The following DNAI1 variants were observed in gnomAD, a reference collection of about 807,000 sequenced individuals.
The protein encoded by DNAI1 is dynein axonemal intermediate chain 1, also known as dynein, axonemal, intermediate polypeptide 1.
A neutral mutation model predicts 92.0 loss-of-function variants in DNAI1; 67 were observed. The observed-to-expected ratio is 0.73, with a 90% confidence interval of 0.60 to 0.89. The LOEUF (loss-of-function observed/expected upper bound fraction) is 0.89. DNAI1 is among the 40% of genes least tolerant of loss of function. The pLI is 0.00. For synonymous variants in DNAI1, 323 were observed against 319.6 expected (o/e 1.01, Z -0.11); for missense variants, 839 against 866.6 (o/e 0.97, Z 0.40).
intron 1 of DNAI1, among the ~76,000 whole-genome samples, chr9:34,469,551 TTTTC>T (rs1824101671): frequency 6.6e-6 from 1 of 151,588 alleles, no homozygotes; most frequent in Non-Finnish European, 1.5e-5. Flanking sequence ...ACAGCACTTT[TTTTC>T]TTTCTATTAA....
intron 19 of DNAI1, among the ~76,000 whole-genome samples, chr9:34,518,177 G>A (rs1276420293): frequency 1.3e-5 from 2 of 152,260 alleles, no homozygotes; most frequent in African/African-American, 4.8e-5. Flanking sequence ...GCTAAGAGTA[G>A]AGATGGCTCT....
chr9:34,520,595 T>G (rs1587096806), intron 19 of DNAI1, 63 bp from the exon 20 acceptor site: 1 of 1,463,024 alleles, frequency 6.8e-7, no homozygotes. Flanking sequence ...GAGGAGGTGG[T>G]GCTGGGACCC....
In DNAI1 at chr9:34,485,533, C is replaced by T. The variant is rs373020025; in HGVS notation, c.261+16C>T. On this transcript the variant is annotated intron_variant, in intron 4 of 19. Coordinates refer to ENST00000242317, the MANE Select transcript of DNAI1 (RefSeq NM_012144.4). ...CAGCTTCAAAGTAAGTCATCCCCTC[C>T]TGGGCAGGGGCATCTATACCCATCT... The T allele has an allele frequency of 1.2e-6, 2 of 1,612,788 alleles. No homozygotes were observed. Among genetic ancestry groups the T allele is most frequent in the African/African-American group, 2.7e-5 (2 of 74,906 alleles).
rs1824445067 is a variant in DNAI1 at position 34,485,134 on chromosome 9, T to C, written c.82-8T>C. ...CACTCCCAAGCCTCATGTGAGGTTT[T>C]TGTCTAGGATGAAGATTCAGGGACT... On this transcript the variant is annotated splice_polypyrimidine_tract_variant and splice_region_variant and intron_variant, in intron 2 of 19. Coordinates refer to ENST00000242317, the MANE Select transcript of DNAI1 (RefSeq NM_012144.4). 1 of 1,614,124 alleles carries C rather than the reference T, an allele frequency of 6.2e-7. No homozygotes were observed. The highest frequency in any genetic ancestry group is 1.7e-5 in the Admixed American group (1 of 60,008).
chr9:34,469,213 G>A (rs1824094141), intron 1 of DNAI1, among the ~76,000 whole-genome samples: 1 of 150,720 alleles, frequency 6.6e-6, no homozygotes, highest in African/African-American at 2.4e-5. Context: ...ATGAATTGTG[G>A]TTGACTTCTC....
intron 1 of DNAI1, among the ~76,000 whole-genome samples, chr9:34,475,677 T>A (rs1057163057): frequency 6.6e-5 from 10 of 152,162 alleles, no homozygotes; most frequent in Non-Finnish European, 1.0e-4. Context: ...TGCCAATTTT[T>A]AAAATGAGGA....
chr9:34,501,991 T>A (rs1277389892), intron 12 of DNAI1, among the ~76,000 whole-genome samples: 2 of 152,204 alleles, frequency 1.3e-5, no homozygotes, highest in Admixed American at 6.5e-5. Context: ...GGCCCTACAC[T>A]TCACAGTAGT....
intron 12 of DNAI1, among the ~76,000 whole-genome samples, chr9:34,502,890 G>T (rs1173496958): frequency 6.6e-6 from 1 of 152,138 alleles, no homozygotes; most frequent in African/African-American, 2.4e-5. Context: ...CAACCTGCCA[G>T]GCCTCCATTC....
intron 1 of DNAI1, among the ~76,000 whole-genome samples, chr9:34,478,006 C>G (rs755262552): frequency 1.1e-4 from 17 of 149,514 alleles, no homozygotes; most frequent in African/African-American, 4.0e-4. Flanking sequence ...CCTGCCTCAG[C>G]CACCTGAATA....
chr9:34,498,113 G>A (rs1368471854), intron 10 of DNAI1, among the ~76,000 whole-genome samples: 1 of 152,214 alleles, frequency 6.6e-6, no homozygotes, highest in Non-Finnish European at 1.5e-5. Context: ...AGGCTCAAAT[G>A]TGGGGTGGAA....
intron 1 of DNAI1, among the ~76,000 whole-genome samples, chr9:34,470,231 A>C (rs1824112483): frequency 6.6e-6 from 1 of 152,220 alleles, no homozygotes; most frequent in Admixed American, 6.5e-5. Context: ...AGAAGGCAGA[A>C]GATGAACAGA....
In DNAI1 at chr9:34,485,151, T is replaced by G; in HGVS notation, c.91T>G (p.Ser31Ala). ...TGAGGTTTTTGTCTAGGATGAAGAT[T>G]CAGGGACTGAAGTGGGAGAAGGCAC... ...GRGTRKRDED[S>A]GTEVGEGTDE... Residue 31 changes from serine (S) to alanine (A), a missense_variant, in exon 3 of 20, where the codon TCA (serine) becomes GCA (alanine). Coordinates refer to ENST00000242317, the MANE Select transcript of DNAI1 (RefSeq NM_012144.4). 2.5e-6 allele frequency: 4 copies of G among 1,614,156 alleles called. No individual in the cohort carries two copies. Among genetic ancestry groups the G allele is most frequent in the Non-Finnish European group, 3.4e-6 (4 of 1,180,038 alleles).
In DNAI1 at chr9:34,514,387, C is replaced by T. The variant is rs200144108; in HGVS notation, c.1570-7C>T. 235 of 1,613,710 alleles carry T rather than the reference C, an allele frequency of 1.5e-4. No individual in the cohort carries two copies. In the African/African-American group the frequency reaches 1.8e-3, roughly 12 times the overall value. The stretch of plus-strand genomic sequence containing the variant: ...TCACTTCTGACCCCCGTTCCCTCCC[C>T]GACCAGTGCTCTAAATCCTACTCCA... On this transcript the variant is annotated splice_region_variant and splice_polypyrimidine_tract_variant and intron_variant, in intron 16 of 19. Transcript: ENST00000242317.
At chr9:34,510,945 C>T (rs1825054451) in intron 13 of DNAI1, among the ~76,000 whole-genome samples, 2 of 152,236 alleles carry the variant, frequency 1.3e-5, no homozygotes, top group African/African-American at 4.8e-5. Context: ...TCAGCCCGCC[C>T]TCCTGAAGCT....
At chr9:34,482,419 T>G (rs373305909) in intron 1 of DNAI1, among the ~76,000 whole-genome samples, 1 of 144,408 alleles carries the variant, frequency 6.9e-6, no homozygotes, top group Non-Finnish European at 1.5e-5. Flanking sequence ...TACAGAGTGT[T>G]GATTGGTGCA....
rs868073874 is a variant in DNAI1, at chr9:34,520,747, C to G, written c.2091C>G (p.Ile697Met). ...TGAACCTGGTGAGGGAAGTGAAAAT[C>G]AAGACCTGAGGGGCTGGCCTCAGTC... The part of the protein sequence containing the change: ...KLLNLVREVK[I>M]KT Residue 697 changes from isoleucine (I) to methionine (M), a missense_variant, in exon 20 of 20, where the codon ATC becomes ATG. Coordinates refer to ENST00000242317, the MANE Select transcript of DNAI1 (RefSeq NM_012144.4). The G allele has an allele frequency of 1.3e-6, 2 of 1,551,502 alleles. No individual in the cohort carries two copies. The highest frequency in any genetic ancestry group is 1.7e-6 in the Non-Finnish European group (2 of 1,146,950).
intron 1 of DNAI1, among the ~76,000 whole-genome samples, chr9:34,470,726 C>T (rs1804750185): frequency 1.3e-5 from 2 of 152,116 alleles, no homozygotes; most frequent in Admixed American, 1.3e-4. Context: ...CCAACTTGAC[C>T]TAATTAACAT....
Position 34,520,850 on chromosome 9 carries a change from C to A in DNAI1, c.*94C>A, listed in dbSNP as rs1825269048. The A allele has an allele frequency of 8.3e-7, 1 of 1,200,364 alleles. No homozygotes were observed. The highest frequency in any genetic ancestry group is 1.2e-6 in the Non-Finnish European group (1 of 828,000). The allele number at this position is 1,200,364 out of a possible 1,614,324, so 74.4% of individuals were successfully genotyped here. On this transcript the variant is annotated 3_prime_UTR_variant, in exon 20 of 20. Coordinates refer to ENST00000242317, the MANE Select transcript of DNAI1 (RefSeq NM_012144.4). ...CCCAGCCTTAGCACCCAGCATGTGA[C>A]CCCACTCCTGATCAGGTCCCAGCAT...
intron 1 of DNAI1, among the ~76,000 whole-genome samples, chr9:34,473,023 T>G (rs931313898): frequency 1.3e-5 from 2 of 152,152 alleles, no homozygotes; most frequent in Admixed American, 1.3e-4. Context: ...TTCCAGAAAT[T>G]TTGTATGTAT....
Sources: gnomAD v4.1 joint callset for allele counts (sites outside exome capture counted in the v4.1 genomes callset) on GRCh38, gnomAD v4.1.1 for gene constraint, MANE v1.5 for transcripts, NCBI Gene and HGNC (gene_info 2026-07-23, HGNC 2026-07-21) for gene names.